SLC2A13: variants seen among roughly 807,000 people sequenced by gnomAD.
The protein encoded by SLC2A13 is solute carrier family 2 member 13.
SLC2A13 carries 32 observed loss-of-function variants against 64.4 expected under a neutral mutation model. That is an observed-to-expected ratio of 0.50 (90% CI 0.37 to 0.67). The LOEUF is 0.67. Among genes scored for constraint, SLC2A13 ranks in the 30% least tolerant of loss-of-function variants. The pLI is 0.00. For missense variants in SLC2A13, 743 were observed against 829.2 expected, an observed-to-expected ratio of 0.90 and a Z score of 1.28; for synonymous variants, 338 against 327.1, an observed-to-expected ratio of 1.03 and a Z score of -0.36.
chr12:40,000,076 C>G (rs778771606), intron 3 of SLC2A13, among the ~76,000 whole-genome samples: 5 of 152,116 alleles, frequency 3.3e-5, no homozygotes, highest in African/African-American at 1.2e-4. Flanking sequence ...TGAGATCTGA[C>G]GGTTTTAAAA....
rs139865931 is a variant in SLC2A13, at chr12:39,956,632, A to G, written c.926-5267T>C. Reference sequence around the variant, plus strand: ...CACAAGGGGGTTATTAGAAACAACAATGTTTGATCAAACTGAAGTAATGAA... The same window carrying G: ...CACAAGGGGGTTATTAGAAACAACAGTGTTTGATCAAACTGAAGTAATGAA... On this transcript the variant is annotated intron_variant, in intron 3 of 9. Coordinates refer to ENST00000280871, the MANE Select transcript of SLC2A13 (RefSeq NM_052885.4). Among the ~76,000 whole-genome samples the G allele has an allele frequency of 3.7e-3, 559 of 152,256 alleles. 5 individuals are homozygous for G. The highest frequency in any genetic ancestry group is 0.013 in the African/African-American group (533 of 41,528).
chr12:40,026,567 G>A (rs1423942797), intron 3 of SLC2A13, among the ~76,000 whole-genome samples: 1 of 152,136 alleles, frequency 6.6e-6, no homozygotes, highest in East Asian at 1.9e-4. Context: ...TTTTTAAGCA[G>A]TCAAAATGAA....
At chr12:39,951,990 T>C (rs760541253) in intron 3 of SLC2A13, among the ~76,000 whole-genome samples, 10 of 152,148 alleles carry the variant, frequency 6.6e-5, no homozygotes, top group Non-Finnish European at 4.4e-5. Context: ...CGTGTGTGTG[T>C]GTGTGTATTT....
chr12:39,975,464 A>G (rs1946742362), intron 3 of SLC2A13, among the ~76,000 whole-genome samples: 1 of 152,244 alleles, frequency 6.6e-6, no homozygotes, highest in African/African-American at 2.4e-5. Context: ...GTGATGACTT[A>G]GACAATGCCT....
intron 4 of SLC2A13, among the ~76,000 whole-genome samples, chr12:39,887,469 TA>T (rs776179498): frequency 6.6e-6 from 1 of 151,976 alleles, no homozygotes; most frequent in Non-Finnish European, 1.5e-5. Context: ...CAGTGGAATG[TA>T]AAAAAGGGAC....
At position 40,105,228 on chromosome 12, in the gene SLC2A13, C is replaced by G. The variant is rs772948993; in HGVS notation, c.556+25G>C. On this transcript the variant is annotated intron_variant, in intron 1 of 9. Coordinates refer to ENST00000280871, the MANE Select transcript of SLC2A13 (RefSeq NM_052885.4). This position sits in a 1 kb window ranked among gnomAD's most constrained non-coding sequence, Gnocchi z 4.2. The stretch of plus-strand genomic sequence containing the variant: ...AGGGCGGTGACAATGGGATCCCGGG[C>G]GCCCTTCACGGAGCCCGAACTCACC... The G allele has an allele frequency of 6.5e-7, 1 of 1,537,892 alleles. No homozygotes were observed. The highest frequency in any genetic ancestry group is 8.7e-7 in the Non-Finnish European group (1 of 1,146,274).
At chr12:39,830,080 G>C (rs201461644) in intron 7 of SLC2A13, 23 bp downstream of exon 7, 1 of 1,612,778 alleles carries the variant, frequency 6.2e-7, no homozygotes, top group South Asian at 1.1e-5. Context: ...TTATATATTC[G>C]TATGGTAAAA....
At chr12:39,880,993 G>A (rs1944323772) in intron 4 of SLC2A13, among the ~76,000 whole-genome samples, 1 of 152,176 alleles carries the variant, frequency 6.6e-6, no homozygotes, top group South Asian at 2.1e-4. Flanking sequence ...TTGTTGAATT[G>A]TATGTATAAC....
At chr12:39,764,241 G>A (rs909901459) in intron 9 of SLC2A13, among the ~76,000 whole-genome samples, 5 of 152,044 alleles carry the variant, frequency 3.3e-5, no homozygotes, top group African/African-American at 1.2e-4. Context: ...ACAGCCCTAA[G>A]CACTGTGGAA....
intron 7 of SLC2A13, among the ~76,000 whole-genome samples, chr12:39,767,376 G>A (rs1206274582): frequency 6.6e-6 from 1 of 151,240 alleles, no homozygotes; most frequent in East Asian, 2.0e-4. Flanking sequence ...GTAAATATAA[G>A]TGCTGTCGTC....
chr12:40,019,037 A>T (rs1013160940), intron 3 of SLC2A13, among the ~76,000 whole-genome samples: 1 of 152,204 alleles, frequency 6.6e-6, no homozygotes, highest in Non-Finnish European at 1.5e-5. Context: ...TGTGTGTTGC[A>T]ATGATAATTT....
At chr12:39,976,853 C>T (rs533970508) in intron 3 of SLC2A13, among the ~76,000 whole-genome samples, 59 of 152,290 alleles carry the variant, frequency 3.9e-4, no homozygotes, top group Admixed American at 8.5e-4. Context: ...CATCTCTTGG[C>T]ACTTTCTGGC....
intron 7 of SLC2A13, 136 bp downstream of exon 7, chr12:39,829,967 G>A (rs767520499): frequency 9.4e-7 from 1 of 1,069,166 alleles, no homozygotes; most frequent in Non-Finnish European, 1.4e-6. Flanking sequence ...ACTATCACCA[G>A]TATATGCTGC....
intron 1 of SLC2A13, among the ~76,000 whole-genome samples, chr12:40,086,365 A>G (rs1001129465): frequency 2.0e-5 from 3 of 152,184 alleles, no homozygotes; most frequent in African/African-American, 7.2e-5. Context: ...ATAAATAAAA[A>G]TAAACACCTG....
At chr12:39,983,983 G>T (rs888642803) in intron 3 of SLC2A13, among the ~76,000 whole-genome samples, 183 of 151,058 alleles carry the variant, frequency 1.2e-3, no homozygotes, top group South Asian at 4.6e-3. Flanking sequence ...TATACACCAT[G>T]GAATACTATG....
At chr12:40,092,473 T>C (rs1938800016) in intron 1 of SLC2A13, among the ~76,000 whole-genome samples, 1 of 152,194 alleles carries the variant, frequency 6.6e-6, no homozygotes, top group Non-Finnish European at 1.5e-5. Flanking sequence ...ATGGTACTTA[T>C]TTTTTAAATT....
At chr12:39,821,947 T>G (rs1040670177) in intron 7 of SLC2A13, among the ~76,000 whole-genome samples, 1 of 152,120 alleles carries the variant, frequency 6.6e-6, no homozygotes, top group Admixed American at 6.6e-5. Context: ...ACTTTAAGTT[T>G]TAGGGTACAT....
In SLC2A13 at chr12:40,106,008, G is replaced by T; in HGVS notation, c.-200C>A. ...TTGCTGCCCGCCGCGCTCCGACGCT[G>T]CGGAGTTGGAGCCCGGCGGGTCTCA... is the stretch of plus-strand genomic sequence containing the variant. On this transcript the variant is annotated 5_prime_UTR_variant, in exon 1 of 10. Coordinates refer to ENST00000280871, the MANE Select transcript of SLC2A13 (RefSeq NM_052885.4). 1.8e-6 allele frequency: 1 copy of T among 554,240 alleles called. No individual in the cohort carries two copies. The highest frequency in any genetic ancestry group is 2.8e-6 in the Non-Finnish European group (1 of 359,596). 34.3% of individuals were successfully genotyped at this position (554,240 alleles called of 1,614,324 possible).
In SLC2A13 at chr12:39,986,020, C is replaced by A. The variant is rs533370732; in HGVS notation, c.926-34655G>T. 2.0e-5 allele frequency among the ~76,000 whole-genome samples: 3 copies of A among 152,228 alleles called. No homozygotes were observed. The South Asian group carries it at 6.2e-4, about 32-fold the overall frequency. On this transcript the variant is annotated intron_variant, in intron 3 of 9. Coordinates refer to ENST00000280871, the MANE Select transcript of SLC2A13 (RefSeq NM_052885.4). Reference sequence around the variant, plus strand: ...TTCACTGTGCGGTGAGGGCCTGTGTCTTGGTTCAGGCAGCACATCACTGTG... The same window carrying A: ...TTCACTGTGCGGTGAGGGCCTGTGTATTGGTTCAGGCAGCACATCACTGTG...
Sources: allele counts gnomAD v4.1 joint callset (sites outside exome capture counted in the v4.1 genomes callset), GRCh38; gene constraint gnomAD v4.1.1; non-coding constraint Gnocchi (gnomAD v3.1); transcripts MANE v1.5; gene names NCBI Gene and HGNC (gene_info 2026-07-23, HGNC 2026-07-21).